MAN1A2: variants seen among roughly 807,000 people sequenced by gnomAD.
MAN1A2 encodes the protein mannosyl-oligosaccharide 1,2-alpha-mannosidase IB.
Under a neutral mutation model 75.7 loss-of-function variants are expected in MAN1A2, and 26 were observed. That is an observed-to-expected ratio of 0.34 (90% CI 0.25 to 0.48). MAN1A2 has a LOEUF of 0.48. Among genes scored for constraint, MAN1A2 ranks in the 20% least tolerant of loss-of-function variants. The pLI is 0.99. For synonymous variants in MAN1A2, 247 were observed against 264.6 expected (o/e 0.93, Z 0.65); for missense variants, 562 against 775.5 (o/e 0.72, Z 3.27).
In MAN1A2 at chr1:117,495,501, C is replaced by A. The variant is rs188151851; in HGVS notation, c.1285-1262C>A. Reference sequence around the variant, plus strand: ...GCTATTTTACTTAAATTATTCCATACCCCTCCTACCTTCCCCTATCCTTAC... The same window carrying A: ...GCTATTTTACTTAAATTATTCCATAACCCTCCTACCTTCCCCTATCCTTAC... On this transcript the variant is annotated intron_variant, in intron 9 of 12. Transcript: ENST00000356554. Among the ~76,000 whole-genome samples the A allele has an allele frequency of 5.3e-4, 81 of 151,914 alleles. No homozygotes were observed. The East Asian group carries it at 9.7e-3, about 18-fold the overall frequency.
intron 6 of MAN1A2, among the ~76,000 whole-genome samples, chr1:117,458,683 C>T (rs1170416032): frequency 6.6e-6 from 1 of 151,346 alleles, no homozygotes; most frequent in Non-Finnish European, 1.5e-5. Flanking sequence ...CCACCATGTC[C>T]GGCTAAGTTT....
chr1:117,461,516 T>A (rs1356365861), intron 7 of MAN1A2, among the ~76,000 whole-genome samples: 1 of 152,112 alleles, frequency 6.6e-6, no homozygotes, highest in Non-Finnish European at 1.5e-5. Flanking sequence ...TAACAATGAT[T>A]TGTTGTATAT....
At chr1:117,432,578 G>A (rs970826398) in intron 5 of MAN1A2, among the ~76,000 whole-genome samples, 3 of 152,136 alleles carry the variant, frequency 2.0e-5, no homozygotes, top group Non-Finnish European at 4.4e-5. Flanking sequence ...TCAAGGTAAA[G>A]CAAGAAGTAT....
chr1:117,390,559 T>A (rs1264630682), intron 1 of MAN1A2, among the ~76,000 whole-genome samples: 1 of 151,914 alleles, frequency 6.6e-6, no homozygotes, highest in Non-Finnish European at 1.5e-5. Context: ...CTCAAATAAC[T>A]AGCTTTTGGA....
At chr1:117,466,092 G>C (rs1367975481) in intron 7 of MAN1A2, among the ~76,000 whole-genome samples, 1 of 151,986 alleles carries the variant, frequency 6.6e-6, no homozygotes, top group Non-Finnish European at 1.5e-5. Flanking sequence ...TATCTGTGCA[G>C]TTTTCTCTGT....
chr1:117,440,519 A>G (rs1341045645), intron 5 of MAN1A2, among the ~76,000 whole-genome samples: 1 of 152,154 alleles, frequency 6.6e-6, no homozygotes, highest in Non-Finnish European at 1.5e-5. Context: ...ATATTGTTAA[A>G]GAGTTTATAT....
rs376155753 is a variant in MAN1A2, at chr1:117,528,071, A to G, written c.*5114A>G. ...TAAGTAGCATTATTTCAGAATGTCT[A>G]TATGCATCATTTTCAACTAAAGCAT... On this transcript the variant is annotated 3_prime_UTR_variant, in exon 13 of 13. Coordinates refer to ENST00000356554, the MANE Select transcript of MAN1A2 (RefSeq NM_006699.5). 3.3e-5 allele frequency: 5 copies of G among 152,158 alleles called. No homozygotes were observed. The highest frequency in any genetic ancestry group is 2.1e-4 in the South Asian group (1 of 4,822). The allele number at this position is 152,158 out of a possible 1,614,324, so 9.4% of individuals were successfully genotyped here. A position where few individuals can be genotyped will look rare whatever the true frequency, so the allele number is the denominator to read the frequency against.
At chr1:117,379,531 T>C (rs1356908455) in intron 1 of MAN1A2, among the ~76,000 whole-genome samples, 3 of 152,130 alleles carry the variant, frequency 2.0e-5, no homozygotes, top group Admixed American at 1.3e-4. Flanking sequence ...CTTAGTAGTA[T>C]TTACAACATT....
At chr1:117,492,233 G>T (rs770965626) in intron 8 of MAN1A2, among the ~76,000 whole-genome samples, 1 of 151,942 alleles carries the variant, frequency 6.6e-6, no homozygotes, top group Non-Finnish European at 1.5e-5. Flanking sequence ...CAATACAGCA[G>T]ACTTTATTGT....
In MAN1A2 at chr1:117,523,989, C is replaced by T. The variant is rs1651939194; in HGVS notation, c.*1032C>T. 3.9e-5 allele frequency: 6 copies of T among 152,230 alleles called. No individual in the cohort carries two copies. The Admixed American group carries it at 4.0e-4, about 10-fold the overall frequency. The allele number at this position is 152,230 out of a possible 1,614,324, so 9.4% of individuals were successfully genotyped here. ...TAAGCTAAATAAATTACTTTTATAA[C>T]TTACTAAAGCAGAACAAACAGTGAA... On this transcript the variant is annotated 3_prime_UTR_variant, in exon 13 of 13. Transcript: ENST00000356554.
chr1:117,409,460 T>C (rs1360334370), intron 3 of MAN1A2, among the ~76,000 whole-genome samples: 1 of 112,624 alleles, frequency 8.9e-6, no homozygotes, highest in Non-Finnish European at 1.9e-5. Flanking sequence ...TTTTAAATTA[T>C]TTTTGGTTTG....
intron 1 of MAN1A2, among the ~76,000 whole-genome samples, chr1:117,383,139 C>T (rs1653407366): frequency 6.6e-6 from 1 of 152,194 alleles, no homozygotes; most frequent in Admixed American, 6.5e-5. Context: ...TTCAGTCTTT[C>T]ACCATTGAGT....
intron 12 of MAN1A2, among the ~76,000 whole-genome samples, chr1:117,518,590 G>A (rs932081463): frequency 2.0e-5 from 3 of 151,916 alleles, no homozygotes; most frequent in Middle Eastern, 3.2e-3. Flanking sequence ...AAGAGACAGA[G>A]GGACATTATA....
chr1:117,494,824 A>T (rs981235547), intron 9 of MAN1A2: 1 of 151,970 alleles, frequency 6.6e-6, no homozygotes. Flanking sequence ...AGTAATTCCC[A>T]CTAGACTGTG....
chr1:117,378,380 A>G (rs1653224773), intron 1 of MAN1A2, among the ~76,000 whole-genome samples: 1 of 152,180 alleles, frequency 6.6e-6, no homozygotes, highest in Non-Finnish European at 1.5e-5. Flanking sequence ...TCATTCTGCA[A>G]GTTGTTTTCC....
Position 117,428,128 on chromosome 1 carries a change from G to C in MAN1A2, c.855+7479G>C, listed in dbSNP as rs565530445. 3.3e-5 allele frequency among the ~76,000 whole-genome samples: 5 copies of C among 149,260 alleles called. No homozygotes were observed. In the East Asian group the frequency reaches 5.9e-4, roughly 17 times the overall value. On this transcript the variant is annotated intron_variant, in intron 5 of 12. Coordinates refer to ENST00000356554, the MANE Select transcript of MAN1A2 (RefSeq NM_006699.5). ...CTCTCTCTCTATTTTTTTTTTTTTG[G>C]GGGGGGACCGAGTCTCACTCTTGTC...
chr1:117,458,523 A>ATTTTTTTT (rs5777311), intron 6 of MAN1A2, among the ~76,000 whole-genome samples: 3 of 105,608 alleles, frequency 2.8e-5, no homozygotes, highest in African/African-American at 3.5e-5. Flanking sequence ...ATATATATAT[A>ATTTTTTTT]TTTTTTTTTT....
At chr1:117,439,585 C>T (rs2101809898) in intron 5 of MAN1A2, among the ~76,000 whole-genome samples, 1 of 152,076 alleles carries the variant, frequency 6.6e-6, no homozygotes, top group Admixed American at 6.5e-5. Context: ...CCTCCGCCTC[C>T]CGGGTTCAAA....
intron 3 of MAN1A2, among the ~76,000 whole-genome samples, chr1:117,411,407 C>G (rs1168729003): frequency 6.6e-6 from 1 of 151,696 alleles, no homozygotes; most frequent in East Asian, 1.9e-4. Flanking sequence ...TTTGCCTCTT[C>G]CTTCAACATT....
Sources: gnomAD v4.1 joint callset for allele counts (sites outside exome capture counted in the v4.1 genomes callset) on GRCh38, gnomAD v4.1.1 for gene constraint, MANE v1.5 for transcripts, NCBI Gene and HGNC (gene_info 2026-07-23, HGNC 2026-07-21) for gene names.